Variants in SUCLA2 observed in about 807,000 individuals in gnomAD.
SUCLA2 encodes the protein succinate--CoA ligase [ADP-forming] subunit beta, mitochondrial.
Under a neutral mutation model 54.8 loss-of-function variants are expected in SUCLA2, and 30 were observed. The ratio of observed to expected loss-of-function variants is 0.55; its 90% confidence interval spans 0.41 to 0.74. The LOEUF (loss-of-function observed/expected upper bound fraction) is 0.74, where lower values mean the gene tolerates loss of function less well. Ranked by LOEUF, SUCLA2 falls within the 30% of genes least tolerant of loss-of-function variation. The pLI, the probability that SUCLA2 is intolerant of heterozygous loss-of-function variation, is 0.00. For synonymous variants in SUCLA2, 172 were observed against 188.9 expected (o/e 0.91, Z 0.74); for missense variants, 476 against 562.9 (o/e 0.85, Z 1.56).
chr13:47,950,044 A>G (rs1353122553), intron 8 of SUCLA2, among the ~76,000 whole-genome samples: 1 of 152,232 alleles, frequency 6.6e-6, no homozygotes, highest in Non-Finnish European at 1.5e-5. Context: ...ACCATCCTGA[A>G]GCAAAACTGT....
At chr13:47,989,769 T>C (rs1007538168) in intron 2 of SUCLA2, among the ~76,000 whole-genome samples, 3 of 152,178 alleles carry the variant, frequency 2.0e-5, no homozygotes, top group African/African-American at 7.2e-5. Flanking sequence ...ATTACCAGTA[T>C]TGATACTGAT....
chr13:47,970,009 C>A (rs900670152), intron 5 of SUCLA2, among the ~76,000 whole-genome samples: 2 of 150,758 alleles, frequency 1.3e-5, no homozygotes, highest in Non-Finnish European at 2.9e-5. Flanking sequence ...GGCTGAGACA[C>A]AAAAACTGCT....
At chr13:47,977,887 T>C (rs990517506) in intron 4 of SUCLA2, among the ~76,000 whole-genome samples, 13 of 151,162 alleles carry the variant, frequency 8.6e-5, no homozygotes, top group Admixed American at 8.6e-4. Context: ...CAAACAAGAG[T>C]CAAATCATGA....
intron 6 of SUCLA2, among the ~76,000 whole-genome samples, chr13:47,959,280 G>C (rs1949846890): frequency 6.6e-6 from 1 of 151,884 alleles, no homozygotes; most frequent in Non-Finnish European, 1.5e-5. Flanking sequence ...AGAAAGGTAT[G>C]AAAAAAATTA....
At chr13:47,991,186 T>A (rs570847154) in intron 2 of SUCLA2, among the ~76,000 whole-genome samples, 48 of 152,370 alleles carry the variant, frequency 3.2e-4, no homozygotes, top group Admixed American at 1.2e-3. Flanking sequence ...CTTAAAACCT[T>A]GCACTGAATG....
At chr13:47,959,503 G>GGAGGA (rs1949850009) in intron 6 of SUCLA2, among the ~76,000 whole-genome samples, 1 of 18,722 alleles carries the variant, frequency 5.3e-5, no homozygotes, top group South Asian at 1.4e-3. Context: ...GGGGAGCGGG[G>GGAGGA]GGAGGAGGAG....
At chr13:47,976,554 G>A (rs528089257) in intron 4 of SUCLA2, among the ~76,000 whole-genome samples, 13 of 152,230 alleles carry the variant, frequency 8.5e-5, no homozygotes, top group Admixed American at 4.6e-4. Flanking sequence ...GTGGGGCATC[G>A]AGAACAAAGG....
intron 8 of SUCLA2, among the ~76,000 whole-genome samples, chr13:47,952,660 A>G (rs149680177): frequency 6.6e-6 from 1 of 152,146 alleles, no homozygotes; most frequent in East Asian, 1.9e-4. Context: ...ATTCTTACTG[A>G]TATTGCCTTT....
At chr13:47,952,516 G>C (rs1949784255) in intron 8 of SUCLA2, among the ~76,000 whole-genome samples, 1 of 151,828 alleles carries the variant, frequency 6.6e-6, no homozygotes, top group African/African-American at 2.4e-5. Context: ...CTGACAGCAT[G>C]AAAGTCATCA....
intron 5 of SUCLA2, among the ~76,000 whole-genome samples, chr13:47,970,101 C>A (rs1297805861): frequency 7.5e-5 from 6 of 80,438 alleles, no homozygotes; most frequent in Non-Finnish European, 1.2e-4. Context: ...GACTCTGTCT[C>A]CCCCCCACAA....
rs534696166 is a variant in SUCLA2 at position 47,975,263 on chromosome 13, G to A, written c.535-1871C>T. 2.6e-5 allele frequency among the ~76,000 whole-genome samples: 4 copies of A among 151,714 alleles called. No individual in the cohort carries two copies. The East Asian group carries it at 7.8e-4, about 30-fold the overall frequency. The stretch of plus-strand genomic sequence containing the variant: ...GCAACCTCCGCCCCCCAGGTTCAAG[G>A]GATTCTCCTCTCTCAGCCTCCCAAG... On this transcript the variant is annotated intron_variant, in intron 4 of 10. Transcript: ENST00000646932.
chr13:47,971,040 A>G (rs1366450490), intron 5 of SUCLA2, among the ~76,000 whole-genome samples: 1 of 152,112 alleles, frequency 6.6e-6, no homozygotes, highest in Non-Finnish European at 1.5e-5. Context: ...CGTCTCAAAA[A>G]AAAACTAAAA....
chr13:47,996,792 C>A, intron 2 of SUCLA2, 51 bp downstream of exon 2: 7 of 1,577,754 alleles, frequency 4.4e-6, no homozygotes, highest in Non-Finnish European at 5.2e-6. Flanking sequence ...AACTTCAAAT[C>A]TTCTCAGAGC....
At chr13:47,995,505 GAC>G (rs1489380668) in intron 2 of SUCLA2, among the ~76,000 whole-genome samples, 1 of 152,022 alleles carries the variant, frequency 6.6e-6, no homozygotes, top group Non-Finnish European at 1.5e-5. Context: ...TAGCTTATAT[GAC>G]AGTTTTCTGA....
chr13:47,981,175 G>C (rs1950058004), intron 4 of SUCLA2, among the ~76,000 whole-genome samples: 1 of 151,956 alleles, frequency 6.6e-6, no homozygotes, highest in Non-Finnish European at 1.5e-5. Context: ...CAAAATGAGA[G>C]AAAATATTTG....
At chr13:47,986,003 TC>T (rs1950100107) in intron 4 of SUCLA2, among the ~76,000 whole-genome samples, 1 of 149,570 alleles carries the variant, frequency 6.7e-6, no homozygotes, top group Non-Finnish European at 1.5e-5. Context: ...AGCTTTTTAA[TC>T]ACATGTGTGT....
At chr13:47,946,529 T>C (rs1949733004) in intron 10 of SUCLA2, among the ~76,000 whole-genome samples, 1 of 151,408 alleles carries the variant, frequency 6.6e-6, no homozygotes, top group South Asian at 2.1e-4. Flanking sequence ...CCTTGTTCTA[T>C]ACTTTCCACT....
intron 2 of SUCLA2, among the ~76,000 whole-genome samples, chr13:47,992,193 A>G (rs116963113): frequency 0.022 from 3,293 of 152,298 alleles, 72 homozygotes; most frequent in South Asian, 0.081. Flanking sequence ...CCTATTCATT[A>G]AACTGGGAAC....
intron 2 of SUCLA2, among the ~76,000 whole-genome samples, chr13:47,991,861 A>G (rs1950151621): frequency 6.6e-6 from 1 of 152,210 alleles, no homozygotes; most frequent in African/African-American, 2.4e-5. Context: ...CCCTGTCTCT[A>G]CTATTCACAA....
Sources: allele counts gnomAD v4.1 joint callset (sites outside exome capture counted in the v4.1 genomes callset), GRCh38; gene constraint gnomAD v4.1.1; transcripts MANE v1.5; gene names NCBI Gene and HGNC (gene_info 2026-07-23, HGNC 2026-07-21).